The following DOK6 variants were observed in gnomAD, a reference collection of about 807,000 sequenced individuals.
DOK6 encodes downstream of tyrosine kinase 6.
A neutral mutation model predicts 44.0 loss-of-function variants in DOK6; 22 were observed. The ratio of observed to expected loss-of-function variants is 0.50; its 90% CI spans 0.36 to 0.71. The LOEUF is 0.71. Among genes scored for constraint, DOK6 ranks in the 30% least tolerant of loss-of-function variants. The pLI is 0.00. For missense variants in DOK6, 340 were observed against 416.4 expected, an observed-to-expected ratio of 0.82 and a Z score of 1.60; for synonymous variants, 166 against 145.5, an observed-to-expected ratio of 1.14 and a Z score of -1.01.
intron 1 of DOK6, among the ~76,000 whole-genome samples, chr18:69,519,327 C>A (rs1266258649): frequency 6.6e-6 from 1 of 151,726 alleles, no homozygotes; most frequent in Non-Finnish European, 1.5e-5. Flanking sequence ...CCTCAGTAAC[C>A]AAATTATACT....
chr18:69,772,008 TA>T (rs34816663), intron 7 of DOK6, among the ~76,000 whole-genome samples: 24,018 of 111,640 alleles, frequency 0.22, 2,635 homozygotes, highest in African/African-American at 0.38. Context: ...GAGACCTCAG[TA>T]AAAAAAAAAA....
intron 1 of DOK6, among the ~76,000 whole-genome samples, chr18:69,554,153 A>T (rs1982632855): frequency 6.6e-6 from 1 of 152,224 alleles, no homozygotes. Flanking sequence ...AAATGACACA[A>T]CTGGAGACTA....
chr18:69,417,669 T>C (rs769364194), intron 1 of DOK6, among the ~76,000 whole-genome samples: 6 of 151,930 alleles, frequency 3.9e-5, no homozygotes, highest in Non-Finnish European at 8.8e-5. Flanking sequence ...AATTTTTATT[T>C]CCATCAACAG....
At chr18:69,490,881 C>T (rs944287231) in intron 1 of DOK6, among the ~76,000 whole-genome samples, 1 of 152,110 alleles carries the variant, frequency 6.6e-6, no homozygotes, top group Non-Finnish European at 1.5e-5. Flanking sequence ...TTGAATTTTG[C>T]GTATGGGTGA....
chr18:69,544,661 T>C (rs1010211013), intron 1 of DOK6, among the ~76,000 whole-genome samples: 2 of 151,526 alleles, frequency 1.3e-5, no homozygotes, highest in African/African-American at 4.8e-5. Context: ...GGTCTTGGCA[T>C]GATCAAACCC....
chr18:69,607,456 TAAC>T (rs753744932), intron 3 of DOK6, among the ~76,000 whole-genome samples: 3 of 151,958 alleles, frequency 2.0e-5, no homozygotes, highest in Non-Finnish European at 4.4e-5. Context: ...TAAAGGAAAA[TAAC>T]AAGTCTTATT....
rs143793010 is a variant in DOK6 at position 69,557,645 on chromosome 18, C to T, written c.67-6842C>T. On this transcript the variant is annotated intron_variant, in intron 1 of 7. Transcript: ENST00000382713. Reference sequence around the variant, plus strand: ...CTGGGAATTCCTGGAGTCCTAGCAACAACATGGAATTTTCTATATGGGAAT... The same window carrying T: ...CTGGGAATTCCTGGAGTCCTAGCAATAACATGGAATTTTCTATATGGGAAT... Among the ~76,000 whole-genome samples, 1,241 of 152,142 alleles carry T rather than the reference C, an allele frequency of 8.2e-3. 7 individuals are homozygous for T. Among genetic ancestry groups the T allele is most frequent in the Middle Eastern group, 0.02 (6 of 294 alleles).
Position 69,570,778 on chromosome 18 carries a change from A to C in DOK6, c.174+6184A>C, listed in dbSNP as rs566255062. On this transcript the variant is annotated intron_variant, in intron 2 of 7. Coordinates refer to ENST00000382713, the MANE Select transcript of DOK6 (RefSeq NM_152721.6). ...ATCTTTAGGATGACACACACACACA[A>C]AAAAGTATCTTCAACCAAAAATTCT... 1.2e-4 allele frequency among the ~76,000 whole-genome samples: 19 copies of C among 152,234 alleles called. No homozygotes were observed. In the South Asian group the frequency reaches 3.1e-3, roughly 25 times the overall value.
chr18:69,490,883 T>C (rs1041241887), intron 1 of DOK6, among the ~76,000 whole-genome samples: 1 of 152,246 alleles, frequency 6.6e-6, no homozygotes, highest in Non-Finnish European at 1.5e-5. Flanking sequence ...GAATTTTGCG[T>C]ATGGGTGATA....
At chr18:69,459,585 G>A (rs1979732183) in intron 1 of DOK6, among the ~76,000 whole-genome samples, 1 of 152,162 alleles carries the variant, frequency 6.6e-6, no homozygotes, top group Non-Finnish European at 1.5e-5. Flanking sequence ...TCCAGGACTT[G>A]TGCTCAGAAC....
At chr18:69,632,642 T>A (rs952503911) in intron 3 of DOK6, among the ~76,000 whole-genome samples, 3 of 152,188 alleles carry the variant, frequency 2.0e-5, no homozygotes, top group African/African-American at 7.2e-5. Flanking sequence ...GGTAGCAAGA[T>A]GATTAAAAGT....
intron 4 of DOK6, among the ~76,000 whole-genome samples, chr18:69,689,660 G>C (rs988622396): frequency 2.6e-5 from 4 of 152,040 alleles, no homozygotes; most frequent in African/African-American, 9.7e-5. Context: ...CTCAATGTAA[G>C]TTTATAATCA....
intron 2 of DOK6, among the ~76,000 whole-genome samples, chr18:69,582,106 A>G (rs1983384786): frequency 6.6e-6 from 1 of 152,230 alleles, no homozygotes; most frequent in Non-Finnish European, 1.5e-5. Context: ...CTAGTAAAAA[A>G]TGTATGCTTT....
At chr18:69,678,365 G>A (rs1020905330) in intron 4 of DOK6, among the ~76,000 whole-genome samples, 1 of 152,178 alleles carries the variant, frequency 6.6e-6, no homozygotes, top group Non-Finnish European at 1.5e-5. Context: ...CTTCTTGTCT[G>A]TGGCATTGCC....
intron 5 of DOK6, among the ~76,000 whole-genome samples, chr18:69,723,898 C>T (rs1255972872): frequency 6.6e-6 from 1 of 152,190 alleles, no homozygotes; most frequent in Non-Finnish European, 1.5e-5. Flanking sequence ...CAGGATGTCA[C>T]CTGCCTTCAG....
chr18:69,633,032 T>C (rs775505551), intron 3 of DOK6, among the ~76,000 whole-genome samples: 11 of 152,210 alleles, frequency 7.2e-5, no homozygotes, highest in Admixed American at 2.6e-4. Context: ...GTCTGGTCCA[T>C]GCATGGACTT....
rs188968400 is a variant in DOK6, at chr18:69,416,870, G to A, written c.66+15560G>A. Reference sequence around the variant, plus strand: ...CAATGTACTGTTTTCCTTCTTGCATGTTTGTCTTTGGTCTCCTAAACCATT... The same window carrying A: ...CAATGTACTGTTTTCCTTCTTGCATATTTGTCTTTGGTCTCCTAAACCATT... On this transcript the variant is annotated intron_variant, in intron 1 of 7. Transcript: ENST00000382713. 1.0e-3 allele frequency among the ~76,000 whole-genome samples: 156 copies of A among 152,156 alleles called. 1 individual carries two copies. Among genetic ancestry groups the A allele is most frequent in the Non-Finnish European group, 1.9e-3 (128 of 67,988 alleles).
intron 1 of DOK6, among the ~76,000 whole-genome samples, chr18:69,465,973 T>C (rs1022894150): frequency 1.3e-5 from 2 of 152,184 alleles, no homozygotes; most frequent in African/African-American, 4.8e-5. Context: ...CATTGTGAAA[T>C]AGTTAAATTA....
chr18:69,565,360 T>TA (rs930363937), intron 2 of DOK6, among the ~76,000 whole-genome samples: 2 of 152,076 alleles, frequency 1.3e-5, no homozygotes, highest in African/African-American at 4.8e-5. Context: ...ATTTCTTTTT[T>TA]AAAAATAGAT....
Sources: allele counts gnomAD v4.1 joint callset (sites outside exome capture counted in the v4.1 genomes callset), GRCh38; gene constraint gnomAD v4.1.1; transcripts MANE v1.5; gene names NCBI Gene and HGNC (gene_info 2026-07-23, HGNC 2026-07-21).